Variants in SAXO1 observed in about 807,000 individuals in gnomAD.
The protein encoded by SAXO1 is stabilizer of axonemal microtubules 1, also known as 4930500O09Rik.
SAXO1 carries 21 observed loss-of-function variants against 17.5 expected under a neutral mutation model. The observed-to-expected ratio is 1.20, with a 90% CI of 0.85 to 1.72. The LOEUF (loss-of-function observed/expected upper bound fraction) is 1.72. SAXO1 is among the 40% of genes most tolerant of loss of function. The pLI is 0.00. For missense variants in SAXO1, 843 were observed against 596.0 expected, an observed-to-expected ratio of 1.41 and a Z score of -4.32; for synonymous variants, 274 against 216.5, an observed-to-expected ratio of 1.27 and a Z score of -2.33.
intron 1 of SAXO1, among the ~76,000 whole-genome samples, chr9:18,960,019 A>C: frequency 6.6e-6 from 1 of 152,178 alleles, no homozygotes; most frequent in East Asian, 1.9e-4. Context: ...AGTGGGCACG[A>C]GGGATGCCAG....
intron 3 of SAXO1, among the ~76,000 whole-genome samples, chr9:18,929,946 A>C (rs992714131): frequency 4.6e-5 from 7 of 152,220 alleles, no homozygotes; most frequent in Non-Finnish European, 4.4e-5. Context: ...ATCTTGTTTC[A>C]TCTTCACAAT....
At chr9:18,997,108 G>T (rs370487084) in intron 1 of SAXO1, among the ~76,000 whole-genome samples, 1 of 152,168 alleles carries the variant, frequency 6.6e-6, no homozygotes, top group African/African-American at 2.4e-5. Flanking sequence ...AGTGGGTGCC[G>T]CCCACAGAGG....
At chr9:19,033,937 C>T (rs1835867890), upstream of SAXO1, among the ~76,000 whole-genome samples, 1 of 152,162 alleles carries the variant, frequency 6.6e-6, no homozygotes, top group South Asian at 2.1e-4. Context: ...TTTACACCCC[C>T]TGGAATAGTG....
intron 1 of SAXO1, among the ~76,000 whole-genome samples, chr9:19,000,508 G>T (rs912864099): frequency 3.3e-5 from 5 of 151,918 alleles, no homozygotes; most frequent in African/African-American, 1.2e-4. Flanking sequence ...TCTGGGAAGT[G>T]AGGGGTGCCT....
At chr9:19,011,190 C>G (rs1215922349) in intron 1 of SAXO1, among the ~76,000 whole-genome samples, 1 of 152,202 alleles carries the variant, frequency 6.6e-6, no homozygotes, top group Non-Finnish European at 1.5e-5. Flanking sequence ...ACTAAAAAGG[C>G]TTTTAAATAC....
intron 1 of SAXO1, among the ~76,000 whole-genome samples, chr9:19,007,477 A>T (rs534875977): frequency 6.6e-6 from 1 of 152,374 alleles, no homozygotes; most frequent in South Asian, 2.1e-4. Flanking sequence ...ATCTTTAAAC[A>T]CTTTAGAATC....
In SAXO1 at chr9:18,983,215, G is replaced by T. The variant is rs1347894909; in HGVS notation, c.39-32278C>A. 3.3e-5 allele frequency among the ~76,000 whole-genome samples: 5 copies of T among 152,166 alleles called. No individual in the cohort carries two copies. In the East Asian group the frequency reaches 9.7e-4, roughly 29 times the overall value. On this transcript the variant is annotated intron_variant, in intron 1 of 3. Transcript: ENST00000380534. ...GACACACAGTTCTGCAATGGCTGGG[G>T]AGGCCTCAGGAAACTTAAAATCATG...
At chr9:18,978,693 G>C (rs544519410) in intron 1 of SAXO1, among the ~76,000 whole-genome samples, 2 of 152,332 alleles carry the variant, frequency 1.3e-5, no homozygotes, top group South Asian at 4.1e-4. Context: ...ACCAGGCACT[G>C]TTCTAGATGC....
At chr9:18,983,308 C>A (rs1234352581) in intron 1 of SAXO1, among the ~76,000 whole-genome samples, 1 of 151,986 alleles carries the variant, frequency 6.6e-6, no homozygotes, top group Non-Finnish European at 1.5e-5. Context: ...GGGGTAACTG[C>A]CAAACACTTT....
intron 1 of SAXO1, among the ~76,000 whole-genome samples, chr9:19,001,565 G>A (rs1323526110): frequency 1.3e-5 from 2 of 151,886 alleles, no homozygotes; most frequent in African/African-American, 4.8e-5. Flanking sequence ...TACTCGGGAG[G>A]CTGAGGCAGG....
chr9:18,999,338 C>T (rs62560401), intron 1 of SAXO1, among the ~76,000 whole-genome samples: 38 of 152,158 alleles, frequency 2.5e-4, no homozygotes, highest in East Asian at 1.4e-3. Flanking sequence ...GCCACTGCCC[C>T]GGCTGGCAAG....
At chr9:19,017,417 G>C (rs1047360376) in intron 1 of SAXO1, among the ~76,000 whole-genome samples, 26 of 152,232 alleles carry the variant, frequency 1.7e-4, no homozygotes, top group African/African-American at 6.3e-4. Context: ...TAAAAAACTG[G>C]GGTGACAGTG....
chr9:19,017,956 C>T (rs1433354315), intron 1 of SAXO1, among the ~76,000 whole-genome samples: 3 of 152,064 alleles, frequency 2.0e-5, no homozygotes, highest in African/African-American at 7.2e-5. Flanking sequence ...TCACTTGAGC[C>T]TAGGAGGTGA....
At chr9:18,987,903 A>G (rs993609057) in intron 1 of SAXO1, among the ~76,000 whole-genome samples, 3 of 149,706 alleles carry the variant, frequency 2.0e-5, no homozygotes, top group Non-Finnish European at 3.0e-5. Context: ...TCTCAAAAAA[A>G]AAAAAAGAAA....
At chr9:18,980,514 C>G (rs1833329559) in intron 1 of SAXO1, among the ~76,000 whole-genome samples, 1 of 98,006 alleles carries the variant, frequency 1.0e-5, no homozygotes, top group Non-Finnish European at 1.8e-5. Flanking sequence ...CAGATCTGAG[C>G]AGCAAGGTAG....
At chr9:18,945,638 G>A (rs1831759779) in intron 2 of SAXO1, among the ~76,000 whole-genome samples, 1 of 152,184 alleles carries the variant, frequency 6.6e-6, no homozygotes, top group Admixed American at 6.5e-5. Context: ...ATAACAGATG[G>A]GATTCCAAGC....
At chr9:19,011,653 T>C (rs1834734415) in intron 1 of SAXO1, among the ~76,000 whole-genome samples, 1 of 152,194 alleles carries the variant, frequency 6.6e-6, no homozygotes, top group Non-Finnish European at 1.5e-5. Context: ...TTTTACCTAA[T>C]GGAATATGGC....
At chr9:18,962,416 CAT>C (rs1487325965) in intron 1 of SAXO1, among the ~76,000 whole-genome samples, 4 of 152,170 alleles carry the variant, frequency 2.6e-5, no homozygotes, top group Admixed American at 6.5e-5. Context: ...AGCTTTTTTT[CAT>C]ATGTTTGTTT....
rs1267762289 is a variant in SAXO1 at position 19,033,103 on chromosome 9, G to A, written c.-195C>T. The A allele has an allele frequency of 2.8e-5, 15 of 539,244 alleles. No individual in the cohort carries two copies. In the South Asian group the frequency reaches 2.9e-4, roughly 10 times the overall value. The allele number at this position is 539,244 out of a possible 1,614,324, so 33.4% of individuals were successfully genotyped here. On this transcript the variant is annotated 5_prime_UTR_variant, in exon 1 of 4. Transcript: ENST00000380534. ...TGCCCTCCTGGAGCTGGCCTAGCGC[G>A]AGGTAGCAGCAGGGGGCTTGCACGC...
Sources: gnomAD v4.1 joint callset for allele counts (sites outside exome capture counted in the v4.1 genomes callset) on GRCh38, gnomAD v4.1.1 for gene constraint, MANE v1.5 for transcripts, NCBI Gene and HGNC (gene_info 2026-07-23, HGNC 2026-07-21) for gene names.